Variants in TMEM9 observed in about 807,000 individuals in gnomAD.
TMEM9 encodes proton-transporting V-type ATPase complex assembly regulator TMEM9.
TMEM9 carries 13 observed loss-of-function variants against 22.8 expected under a neutral mutation model. That is an observed-to-expected ratio of 0.57 (90% CI 0.37 to 0.91). The LOEUF (loss-of-function observed/expected upper bound fraction) is 0.91. Among genes scored for constraint, TMEM9 ranks in the 40% least tolerant of loss-of-function variants. The probability of loss-of-function intolerance (pLI) is 0.01; values close to 1 mark genes in which losing one functional copy is unlikely to be tolerated. For synonymous variants in TMEM9, 88 were observed against 93.0 expected (o/e 0.95, Z 0.31); for missense variants, 182 against 238.1 (o/e 0.76, Z 1.55).
chr1:201,151,128 T>C (rs1274782838), intron 2 of TMEM9, among the ~76,000 whole-genome samples: 2 of 152,198 alleles, frequency 1.3e-5, no homozygotes, highest in Non-Finnish European at 2.9e-5. Flanking sequence ...CAATCAATCA[T>C]CGTGTGTCCC....
intron 2 of TMEM9, among the ~76,000 whole-genome samples, chr1:201,149,431 T>C (rs911977133): frequency 2.6e-5 from 4 of 152,198 alleles, no homozygotes; most frequent in Non-Finnish European, 4.4e-5. Flanking sequence ...GAAGTTCTAT[T>C]TTAACAAGTT....
intron 1 of TMEM9, among the ~76,000 whole-genome samples, chr1:201,161,751 A>T (rs548274336): frequency 6.6e-6 from 1 of 152,348 alleles, no homozygotes; most frequent in Admixed American, 6.5e-5. Context: ...TCAAGGCTAG[A>T]GTACCAAGGA....
upstream of TMEM9, among the ~76,000 whole-genome samples, chr1:201,156,827 C>A (rs775168553): frequency 2.0e-4 from 31 of 152,208 alleles, no homozygotes; most frequent in Non-Finnish European, 3.5e-4. Flanking sequence ...AACTCCAGGG[C>A]TCACAGATGC....
chr1:201,142,558 T>G (rs1269450704), intron 4 of TMEM9, among the ~76,000 whole-genome samples: 3 of 152,246 alleles, frequency 2.0e-5, no homozygotes, highest in Non-Finnish European at 4.4e-5. Context: ...CTTTAGTTGT[T>G]TTTCTTTTCC....
At chr1:201,153,725 C>A (rs1366871355) in intron 1 of TMEM9, 133 bp downstream of exon 1, 16 of 1,552,104 alleles carry the variant, frequency 1.0e-5, no homozygotes, top group Non-Finnish European at 1.4e-5. Context: ...AGGAAGACCA[C>A]TAAAAGAAGT....
At chr1:201,165,143 G>T (rs992264868) in intron 1 of TMEM9, among the ~76,000 whole-genome samples, 1 of 83,374 alleles carries the variant, frequency 1.2e-5, no homozygotes. Flanking sequence ...CACTTTTTAA[G>T]AGAAAATTAT....
At chr1:201,143,998 G>A (rs1664753479) in intron 3 of TMEM9, 47 bp from the exon 4 acceptor site, 4 of 1,604,790 alleles carry the variant, frequency 2.5e-6, no homozygotes, top group Non-Finnish European at 3.4e-6. Context: ...TGAGGCCAGG[G>A]CTAGAAATCC....
upstream of TMEM9, among the ~76,000 whole-genome samples, chr1:201,154,938 G>T (rs985793937): frequency 3.9e-5 from 6 of 152,190 alleles, no homozygotes; most frequent in Non-Finnish European, 8.8e-5. Flanking sequence ...GAGAAATCTA[G>T]GGTTGGCGAT....
Position 201,153,988 on chromosome 1 carries a change from G to A in TMEM9, c.-65C>T. 6 of 1,547,546 alleles carry A rather than the reference G, an allele frequency of 3.9e-6. No homozygotes were observed. Among genetic ancestry groups the A allele is most frequent in the South Asian group, 1.2e-5 (1 of 80,350 alleles). On this transcript the variant is annotated 5_prime_UTR_variant, in exon 1 of 5. Transcript: ENST00000367330. ...GAAAAAGAGATACGGAGTCGGAGAA[G>A]GGGAAGGTGGCCACACCGCAGCCAG...
chr1:201,137,816 G>C (rs764411851), intron 4 of TMEM9, among the ~76,000 whole-genome samples: 1 of 152,220 alleles, frequency 6.6e-6, no homozygotes, highest in Non-Finnish European at 1.5e-5. Context: ...GAAGCCACTA[G>C]GCAGTAAGGC....
chr1:201,156,113 C>G (rs1450712600), upstream of TMEM9, among the ~76,000 whole-genome samples: 2 of 152,120 alleles, frequency 1.3e-5, no homozygotes, highest in Admixed American at 1.3e-4. Flanking sequence ...AATGGATGAC[C>G]CTCTGACACA....
At chr1:201,163,571 C>T (rs551569497) in intron 1 of TMEM9, among the ~76,000 whole-genome samples, 29 of 151,958 alleles carry the variant, frequency 1.9e-4, no homozygotes, top group Admixed American at 1.1e-3. Context: ...ACCTGGGTGA[C>T]GGAGTGAGAT....
At chr1:201,152,920 T>C (rs768038388) in intron 1 of TMEM9, among the ~76,000 whole-genome samples, 1 of 152,224 alleles carries the variant, frequency 6.6e-6, no homozygotes, top group Non-Finnish European at 1.5e-5. Flanking sequence ...CAAAAGCTTG[T>C]TAATGAATCA....
At chr1:201,171,168 G>A (rs1397255866) in intron 1 of TMEM9, among the ~76,000 whole-genome samples, 3 of 152,236 alleles carry the variant, frequency 2.0e-5, no homozygotes, top group South Asian at 4.1e-4. Flanking sequence ...AGCCTGGAAG[G>A]ATTGCGGGGG....
rs374929907 is a variant in TMEM9, at chr1:201,141,798, C to G, written c.399+2022G>C. ...TTCAAATGAGGAGCACTCCAGGTCTCCTGGGGGTAAGAGAGACCTGGGTTC... is the reference window on the plus strand; with the variant it reads ...TTCAAATGAGGAGCACTCCAGGTCTGCTGGGGGTAAGAGAGACCTGGGTTC... On this transcript the variant is annotated intron_variant, in intron 4 of 4. Transcript: ENST00000367330. Among the ~76,000 whole-genome samples the G allele has an allele frequency of 2.6e-4, 40 of 152,250 alleles. No homozygotes were observed. In the East Asian group the frequency reaches 6.6e-3, roughly 25 times the overall value.
chr1:201,137,556 G>A (rs925423685), intron 4 of TMEM9, among the ~76,000 whole-genome samples: 5 of 150,808 alleles, frequency 3.3e-5, no homozygotes, highest in African/African-American at 7.3e-5. Flanking sequence ...TTAGTGTAAT[G>A]CATTCTGATA....
intron 1 of TMEM9, among the ~76,000 whole-genome samples, chr1:201,167,764 A>G (rs1666114180): frequency 1.3e-5 from 2 of 152,212 alleles, no homozygotes; most frequent in South Asian, 4.1e-4. Context: ...TGAAGGCCAA[A>G]GGCAAGATGA....
intron 1 of TMEM9, among the ~76,000 whole-genome samples, chr1:201,152,094 T>G (rs1051458014): frequency 6.6e-6 from 1 of 152,106 alleles, no homozygotes; most frequent in African/African-American, 2.4e-5. Flanking sequence ...TCACAGAAAG[T>G]TGTCTAGGCC....
At chr1:201,169,035 A>T (rs1332338178) in intron 1 of TMEM9, among the ~76,000 whole-genome samples, 1 of 148,914 alleles carries the variant, frequency 6.7e-6, no homozygotes, top group Non-Finnish European at 1.5e-5. Context: ...CTCCTGGGCT[A>T]AAGCGATTAG....
Sources: gnomAD v4.1 joint callset for allele counts (sites outside exome capture counted in the v4.1 genomes callset) on GRCh38, gnomAD v4.1.1 for gene constraint, MANE v1.5 for transcripts, NCBI Gene and HGNC (gene_info 2026-07-23, HGNC 2026-07-21) for gene names.